CENPK: variants seen among roughly 807,000 people sequenced by gnomAD.
CENPK encodes the protein centromere protein K.
A neutral mutation model predicts 40.9 loss-of-function variants in CENPK; 46 were observed. That is an observed-to-expected ratio of 1.13 (90% CI 0.89 to 1.44). The LOEUF (loss-of-function observed/expected upper bound fraction) is 1.44, where lower values mean the gene tolerates loss of function less well. Among genes scored for constraint, CENPK ranks in the 40% most tolerant of loss-of-function variants. CENPK has a pLI of 0.00. For synonymous variants in CENPK, 107 were observed against 104.4 expected, an observed-to-expected ratio of 1.02 and a Z score of -0.15; for missense variants, 288 against 303.5, an observed-to-expected ratio of 0.95 and a Z score of 0.38.
the CENPK span, among the ~76,000 whole-genome samples, chr5:65,499,672 T>TAAA: frequency 6.8e-6 from 1 of 147,650 alleles, no homozygotes; most frequent in African/African-American, 2.5e-5. Context: ...TTTTAATTTT[T>TAAA]TTTTTTTTAT....
In CENPK at chr5:65,543,885, A is replaced by G. The variant is rs560507318; in HGVS notation, c.242-1037T>C. Among the ~76,000 whole-genome samples the G allele has an allele frequency of 2.6e-5, 4 of 152,370 alleles. No individual in the cohort carries two copies. The South Asian group carries it at 8.3e-4, about 32-fold the overall frequency. On this transcript the variant is annotated intron_variant, in intron 5 of 10. Coordinates refer to ENST00000396679, the MANE Select transcript of CENPK (RefSeq NM_022145.5). ...TTTCCATGAGCTATGAAGAAAAAAC[A>G]GCAAGAAATATTACAAACTCTTCTA...
chr5:65,536,199 A>G (rs986513302), intron 6 of CENPK, among the ~76,000 whole-genome samples: 2 of 152,342 alleles, frequency 1.3e-5, no homozygotes, highest in Non-Finnish European at 2.9e-5. Context: ...TCTAAGCTAC[A>G]GTTGCTAGTT....
the CENPK span, among the ~76,000 whole-genome samples, chr5:65,502,309 G>A: frequency 8.5e-5 from 13 of 152,272 alleles, no homozygotes; most frequent in Non-Finnish European, 1.6e-4. Context: ...AGTCTGGTAC[G>A]TATAAGGCAA....
intron 2 of CENPK, among the ~76,000 whole-genome samples, chr5:65,559,400 C>A (rs187823234): frequency 4.4e-4 from 67 of 151,988 alleles, no homozygotes; most frequent in Admixed American, 2.4e-3. Context: ...GAGGCCGAGG[C>A]GGGCGGATCA....
chr5:65,507,171 A>G, the CENPK span, among the ~76,000 whole-genome samples: 1 of 152,212 alleles, frequency 6.6e-6, no homozygotes, highest in Non-Finnish European at 1.5e-5. Context: ...ATGACTAAGC[A>G]GTTCCAGATG....
At chr5:65,525,304 AT>A (rs1744493209) in intron 9 of CENPK, among the ~76,000 whole-genome samples, 1 of 151,832 alleles carries the variant, frequency 6.6e-6, no homozygotes, top group African/African-American at 2.4e-5. Context: ...GGTGGAGGTT[AT>A]AGTGAGCTGA....
chr5:65,533,710 C>T (rs2150400529), intron 6 of CENPK, among the ~76,000 whole-genome samples: 1 of 152,066 alleles, frequency 6.6e-6, no homozygotes, highest in East Asian at 1.9e-4. Flanking sequence ...TCAATATATA[C>T]ATATTAATTG....
chr5:65,534,170 T>C (rs1746454653), intron 6 of CENPK, among the ~76,000 whole-genome samples: 1 of 152,050 alleles, frequency 6.6e-6, no homozygotes, highest in East Asian at 1.9e-4. Flanking sequence ...AAGACCTGTA[T>C]GCTGAAAACT....
chr5:65,529,020 T>C lies in CENPK; in HGVS notation c.372-3A>G. 1.2e-6 allele frequency: 2 copies of C among 1,601,506 alleles called. No individual in the cohort carries two copies. Among genetic ancestry groups the C allele is most frequent in the Non-Finnish European group, 1.7e-6 (2 of 1,170,190 alleles). On this transcript the variant is annotated splice_region_variant and splice_polypyrimidine_tract_variant and intron_variant, in intron 7 of 10. Transcript: ENST00000396679. ...GTTCATCCAACCACCGTTGTTCCCT[T>C]TCGACATGGAAAAACAATACAAGCA...
intron 6 of CENPK, among the ~76,000 whole-genome samples, chr5:65,531,723 C>T (rs1580950792): frequency 6.6e-6 from 1 of 151,904 alleles, no homozygotes; most frequent in Non-Finnish European, 1.5e-5. Flanking sequence ...AGGATGGTCT[C>T]GATCTCCTGA....
chr5:65,561,140 A>T (rs1352901563), intron 2 of CENPK: 1 of 159,748 alleles, frequency 6.3e-6, no homozygotes, highest in Non-Finnish European at 1.4e-5. Flanking sequence ...GAGCTTTATC[A>T]GTGTTAGCTA....
At chr5:65,544,106 A>T (rs1378875913) in intron 5 of CENPK, among the ~76,000 whole-genome samples, 1 of 152,184 alleles carries the variant, frequency 6.6e-6, no homozygotes, top group Non-Finnish European at 1.5e-5. Flanking sequence ...AACTTTCTAC[A>T]TGTGCTTCAT....
chr5:65,531,859 A>G (rs536898493), intron 6 of CENPK, among the ~76,000 whole-genome samples: 4 of 152,312 alleles, frequency 2.6e-5, no homozygotes, highest in Non-Finnish European at 4.4e-5. Context: ...AGCTTCTATC[A>G]TAAGAAATAT....
At chr5:65,505,584 T>G in the CENPK span, among the ~76,000 whole-genome samples, 27 of 152,216 alleles carry the variant, frequency 1.8e-4, no homozygotes, top group Non-Finnish European at 3.1e-4. Context: ...GAGGCTACAG[T>G]GATCCATGAC....
chr5:65,499,772 C>T, the CENPK span, among the ~76,000 whole-genome samples: 1 of 115,280 alleles, frequency 8.7e-6, no homozygotes, highest in African/African-American at 3.3e-5. Flanking sequence ...CACCCACTAA[C>T]GTGTCATCTA....
In CENPK at chr5:65,528,973, A is replaced by C; in HGVS notation, c.416T>G (p.Leu139Arg). 1.2e-6 allele frequency: 2 copies of C among 1,610,398 alleles called. No individual in the cohort carries two copies. The highest frequency in any genetic ancestry group is 1.7e-6 in the Non-Finnish European group (2 of 1,177,556). ...TTTCAATTCACTGTGTAGTACATTA[A>C]GAGATTCCATTATCTGTTGCTGTTC... ...LDEQQQIMES[L>R]NVLHSELKNK... Residue 139 changes from leucine to arginine, a missense_variant, in exon 8 of 11, where the codon CTT (leucine) becomes CGT (arginine). By Grantham distance (102) the Leu-to-Arg change is moderately radical. Coordinates refer to ENST00000396679, the MANE Select transcript of CENPK (RefSeq NM_022145.5).
At chr5:65,519,033 C>A (rs1289044269) in intron 10 of CENPK, among the ~76,000 whole-genome samples, 1 of 152,168 alleles carries the variant, frequency 6.6e-6, no homozygotes, top group Non-Finnish European at 1.5e-5. Context: ...TCCTGTCCCC[C>A]ACAAAACACC....
the CENPK span, among the ~76,000 whole-genome samples, chr5:65,508,768 A>T: frequency 6.8e-6 from 1 of 147,582 alleles, no homozygotes; most frequent in South Asian, 2.2e-4. Flanking sequence ...CCTGGGTGCG[A>T]CAGAGCAAGA....
In CENPK at chr5:65,554,954, A is replaced by G. The variant is rs1351416071; in HGVS notation, c.-39-8T>C. On this transcript the variant is annotated splice_region_variant and splice_polypyrimidine_tract_variant and intron_variant, in intron 2 of 10. Coordinates refer to ENST00000396679, the MANE Select transcript of CENPK (RefSeq NM_022145.5). ...TTAGCCTTATAAGAAAAACTAAAGC[A>G]AAAAATATTTATTCATTCAGCAGTA... 2 of 1,094,662 alleles carry G rather than the reference A, an allele frequency of 1.8e-6. No individual in the cohort carries two copies. Among genetic ancestry groups the G allele is most frequent in the African/African-American group, 3.1e-5 (2 of 64,226 alleles). The allele number at this position is 1,094,662 out of a possible 1,614,324, so 67.8% of individuals were successfully genotyped here.
Sources: allele counts gnomAD v4.1 joint callset (sites outside exome capture counted in the v4.1 genomes callset), GRCh38; gene constraint gnomAD v4.1.1; transcripts MANE v1.5; gene names NCBI Gene and HGNC (gene_info 2026-07-23, HGNC 2026-07-21).